The following ZC3H12B variants were observed in gnomAD, a reference collection of about 807,000 sequenced individuals.
The protein encoded by ZC3H12B is probable ribonuclease ZC3H12B.
A neutral mutation model predicts 43.9 loss-of-function variants in ZC3H12B; 7 were observed. The observed-to-expected ratio is 0.16, with a 90% confidence interval of 0.09 to 0.30. The LOEUF (loss-of-function observed/expected upper bound fraction) is 0.30. Among genes scored for constraint, ZC3H12B ranks in the 10% least tolerant of loss-of-function variants. The pLI, the probability that ZC3H12B is intolerant of heterozygous loss-of-function variation, is 1.00. For synonymous variants in ZC3H12B, 222 were observed against 241.7 expected (o/e 0.92, Z 0.76); for missense variants, 475 against 670.2 (o/e 0.71, Z 3.22).
the ZC3H12B span, among the ~76,000 whole-genome samples, chrX:65,267,420 C>CTA: frequency 1.4e-3 from 155 of 108,148 alleles, 1 homozygote; most frequent in African/African-American, 5.1e-3. Flanking sequence ...CCAGGGTTAC[C>CTA]ACATTACAAT....
chrX:65,400,935 T>C (rs1915464453), intron 3 of ZC3H12B, among the ~76,000 whole-genome samples: 1 of 111,248 alleles, frequency 9.0e-6, no homozygotes, highest in Non-Finnish European at 1.9e-5. Context: ...CCAAAGGTAA[T>C]GTTAGTTATT....
At chrX:65,188,746 T>C in the ZC3H12B span, among the ~76,000 whole-genome samples, 2 of 111,031 alleles carry the variant, frequency 1.8e-5, no homozygotes, top group Non-Finnish European at 3.8e-5. Flanking sequence ...TTTTTGTATA[T>C]TGATTTCATA....
At chrX:65,134,322 A>T in the ZC3H12B span, among the ~76,000 whole-genome samples, 1 of 111,061 alleles carries the variant, frequency 9.0e-6, no homozygotes, top group African/African-American at 3.3e-5. Flanking sequence ...GTGATCAGAC[A>T]CCAATGGAGT....
intron 3 of ZC3H12B, among the ~76,000 whole-genome samples, chrX:65,432,795 A>C (rs2067178986): frequency 8.9e-6 from 1 of 112,004 alleles, no homozygotes; most frequent in Admixed American, 9.5e-5. Context: ...TAGAAGGACA[A>C]ATTCATTTAC....
At chrX:65,207,251 T>TATAC in the ZC3H12B span, among the ~76,000 whole-genome samples, 3 of 101,037 alleles carry the variant, frequency 3.0e-5, no homozygotes, top group African/African-American at 1.1e-4. Context: ...TGTGTATATA[T>TATAC]ACACACACAC....
the ZC3H12B span, among the ~76,000 whole-genome samples, chrX:65,216,582 G>A: frequency 9.0e-6 from 1 of 111,493 alleles, no homozygotes; most frequent in South Asian, 3.8e-4. Context: ...TACGGCATTG[G>A]TCTCTGAGGC....
At chrX:65,388,046 T>C (rs2066555563) in intron 2 of ZC3H12B, among the ~76,000 whole-genome samples, 2 of 112,192 alleles carry the variant, frequency 1.8e-5, no homozygotes, top group Non-Finnish European at 3.8e-5. Flanking sequence ...TTGGGTAACC[T>C]GACCTTTCTC....
chrX:65,438,799 C>A lies in ZC3H12B; in HGVS notation n.407+40095C>A, dbSNP rs544077335. Among the ~76,000 whole-genome samples, 290 of 113,320 alleles carry A rather than the reference C, an allele frequency of 2.6e-3. 1 individual carries two copies. Among genetic ancestry groups the A allele is most frequent in the South Asian group, 0.014 (38 of 2,803 alleles). ...TCCGCCCTGGGCGGGCCAGGTGTTC[C>A]TTGCCCTCATCCCCATAAACCCACA... On this transcript the variant is annotated intron_variant and non_coding_transcript_variant, in intron 3 of 5. Coordinates refer to the ZC3H12B transcript ENST00000617377.
At chrX:65,389,190 G>A (rs1398725815) in intron 2 of ZC3H12B, among the ~76,000 whole-genome samples, 1 of 112,322 alleles carries the variant, frequency 8.9e-6, no homozygotes, top group Non-Finnish European at 1.9e-5. Context: ...TAAGTCTGCA[G>A]AGGATTCTGC....
At chrX:65,336,972 A>T in the ZC3H12B span, among the ~76,000 whole-genome samples, 1 of 112,416 alleles carries the variant, frequency 8.9e-6, no homozygotes, top group East Asian at 2.8e-4. Context: ...GCCAAAAGGG[A>T]CTTTACTGAG....
the ZC3H12B span, among the ~76,000 whole-genome samples, chrX:65,268,156 A>G: frequency 8.9e-6 from 1 of 112,121 alleles, no homozygotes; most frequent in Non-Finnish European, 1.9e-5. Context: ...AACAAATTGG[A>G]TAACCTAGAG....
the ZC3H12B span, among the ~76,000 whole-genome samples, chrX:65,190,829 C>T: frequency 9.5e-6 from 1 of 105,305 alleles, no homozygotes; most frequent in Non-Finnish European, 1.9e-5. Flanking sequence ...GAACTTCCAA[C>T]ACTATGTTGA....
chrX:65,400,404 ACT>A (rs1438758020), intron 3 of ZC3H12B, among the ~76,000 whole-genome samples: 39 of 110,692 alleles, frequency 3.5e-4, no homozygotes, highest in African/African-American at 1.2e-3. Context: ...TTGTAAAAAG[ACT>A]CTGGAATCTC....
At chrX:65,204,688 A>G in the ZC3H12B span, among the ~76,000 whole-genome samples, 1 of 111,871 alleles carries the variant, frequency 8.9e-6, no homozygotes, top group Non-Finnish European at 1.9e-5. Flanking sequence ...TTTGAGAGGT[A>G]TTTTCCTGGT....
chrX:65,145,574 T>C, the ZC3H12B span, among the ~76,000 whole-genome samples: 1 of 112,039 alleles, frequency 8.9e-6, no homozygotes, highest in Non-Finnish European at 1.9e-5. Context: ...AACTGTATTT[T>C]TGTTTTATAG....
the ZC3H12B span, among the ~76,000 whole-genome samples, chrX:65,088,983 ATAAC>A: frequency 8.9e-6 from 1 of 112,097 alleles, no homozygotes; most frequent in African/African-American, 3.2e-5. Context: ...ATTAGCTAAT[ATAAC>A]TAATATATTT....
At chrX:65,338,803 A>G in the ZC3H12B span, among the ~76,000 whole-genome samples, 1 of 112,311 alleles carries the variant, frequency 8.9e-6, no homozygotes, top group Admixed American at 9.4e-5. Context: ...ATCTTTCAAT[A>G]AAATCCAACA....
the ZC3H12B span, among the ~76,000 whole-genome samples, chrX:65,054,849 A>G: frequency 4.5e-5 from 5 of 111,291 alleles, no homozygotes; most frequent in African/African-American, 6.5e-5. Context: ...CTTTGAAGCA[A>G]TTGTGAGTGG....
At chrX:65,211,624 A>G in the ZC3H12B span, among the ~76,000 whole-genome samples, 1 of 95,390 alleles carries the variant, frequency 1.0e-5, no homozygotes, top group African/African-American at 3.8e-5. Context: ...TTGGCCTAAC[A>G]ACTTAAAATT....
Sources: allele counts gnomAD v4.1 joint callset (sites outside exome capture counted in the v4.1 genomes callset), GRCh38; gene constraint gnomAD v4.1.1; transcripts MANE v1.5; gene names NCBI Gene and HGNC (gene_info 2026-07-23, HGNC 2026-07-21).